TNS3: variants seen among roughly 807,000 people sequenced by gnomAD.
The protein encoded by TNS3 is tensin 3.
A neutral mutation model predicts 140.9 loss-of-function variants in TNS3; 45 were observed. That is an observed-to-expected ratio of 0.32 (90% CI 0.25 to 0.41). The LOEUF is 0.41. TNS3 is among the 10% of genes least tolerant of loss of function. The probability of loss-of-function intolerance (pLI) is 1.00; values close to 1 mark genes in which losing one functional copy is unlikely to be tolerated. For missense variants in TNS3, 1,716 were observed against 1,906.7 expected (o/e 0.90, Z 1.86); for synonymous variants, 815 against 788.4 (o/e 1.03, Z -0.56).
intron 4 of TNS3, among the ~76,000 whole-genome samples, chr7:47,457,698 G>A (rs1379140190): frequency 6.6e-6 from 1 of 152,110 alleles, no homozygotes; most frequent in Non-Finnish European, 1.5e-5. Flanking sequence ...ACACTATGGT[G>A]CCCTCCATCC....
At chr7:47,530,188 A>G (rs1799340917) in intron 1 of TNS3, among the ~76,000 whole-genome samples, 2 of 152,252 alleles carry the variant, frequency 1.3e-5, no homozygotes. Context: ...TCTGAAAAAC[A>G]TAAAAAGATC....
intron 2 of TNS3, among the ~76,000 whole-genome samples, chr7:47,513,396 C>T (rs1483700199): frequency 2.0e-5 from 3 of 152,066 alleles, no homozygotes; most frequent in Non-Finnish European, 2.9e-5. Flanking sequence ...CTTGAACTCC[C>T]GGTTTCGATC....
At chr7:47,293,670 G>A (rs1048511558) in intron 25 of TNS3, 63 bp downstream of exon 25, 9 of 1,446,208 alleles carry the variant, frequency 6.2e-6, no homozygotes, top group East Asian at 2.3e-5. Context: ...TCAGGTTGGT[G>A]AGCAGAGGGA....
At chr7:47,403,378 T>G (rs1167215574) in intron 13 of TNS3, 1 of 152,166 alleles carries the variant, frequency 6.6e-6, no homozygotes, top group African/African-American at 2.4e-5. Context: ...GATTCTCCTG[T>G]AAGATTCCTA....
chr7:47,478,772 A>G (rs565703323), intron 4 of TNS3, among the ~76,000 whole-genome samples: 21 of 152,232 alleles, frequency 1.4e-4, no homozygotes, highest in Non-Finnish European at 2.6e-4. Flanking sequence ...TGTATAACAT[A>G]CATATTCATT....
intron 16 of TNS3, among the ~76,000 whole-genome samples, chr7:47,377,410 T>G (rs1303830506): frequency 1.3e-5 from 2 of 152,118 alleles, no homozygotes; most frequent in Non-Finnish European, 2.9e-5. Flanking sequence ...AGACACTGTG[T>G]CTGGACACAA....
In TNS3 at chr7:47,429,299, C is replaced by G. The variant is rs74874229; in HGVS notation, c.325-923G>C. Among the ~76,000 whole-genome samples the G allele has an allele frequency of 2.9e-3, 441 of 152,324 alleles. 1 individual carries two copies. The highest frequency in any genetic ancestry group is 0.01 in the African/African-American group (417 of 41,566). ...ACCTACATCCAGGGCTGCTTTCACT[C>G]TCACTGCAGGGGTAGGTTTGAGTAT... is the stretch of plus-strand genomic sequence containing the variant. On this transcript the variant is annotated intron_variant, in intron 8 of 30. Transcript: ENST00000311160.
intron 13 of TNS3, among the ~76,000 whole-genome samples, chr7:47,402,734 A>G (rs1002230897): frequency 2.0e-5 from 3 of 152,180 alleles, no homozygotes; most frequent in Admixed American, 6.5e-5. Context: ...TCTGCCTTCA[A>G]ATGTGCCTGT....
At chr7:47,577,163 C>A (rs1363638066) in intron 1 of TNS3, among the ~76,000 whole-genome samples, 2 of 152,174 alleles carry the variant, frequency 1.3e-5, no homozygotes, top group Non-Finnish European at 1.5e-5. Context: ...CACTTGTAAT[C>A]GTCAGCAGGG....
In TNS3 at chr7:47,483,173, T is replaced by A. The variant is rs1485791628; in HGVS notation, c.-114-2032A>T. Among the ~76,000 whole-genome samples the A allele has an allele frequency of 5.3e-4, 11 of 20,698 alleles. No homozygotes were observed. The Admixed American group carries it at 0.018, about 33-fold the overall frequency. 13.6% of individuals were successfully genotyped at this position (20,698 alleles called of 152,430 possible). On this transcript the variant is annotated intron_variant, in intron 3 of 30. Transcript: ENST00000311160. ...GAAGAGGAAGAAGAGTGTGTCCAAT[T>A]TTTTTTTTTTTTTTGAGACGGAGTC...
intron 25 of TNS3, among the ~76,000 whole-genome samples, chr7:47,293,383 G>T (rs1386153364): frequency 6.6e-6 from 1 of 152,204 alleles, no homozygotes; most frequent in African/African-American, 2.4e-5. Flanking sequence ...AGGGTGCTCT[G>T]TTGGGAGCTC....
intron 17 of TNS3, among the ~76,000 whole-genome samples, chr7:47,351,924 A>C (rs1334055863): frequency 1.3e-5 from 2 of 152,088 alleles, no homozygotes; most frequent in Non-Finnish European, 2.9e-5. Flanking sequence ...GCACACAGTC[A>C]AACTCTCATG....
intron 4 of TNS3, among the ~76,000 whole-genome samples, chr7:47,475,727 C>A (rs1479454295): frequency 6.6e-6 from 1 of 152,226 alleles, no homozygotes; most frequent in Non-Finnish European, 1.5e-5. Flanking sequence ...TGGAAAAAAA[C>A]AAGGACACTC....
intron 4 of TNS3, among the ~76,000 whole-genome samples, chr7:47,468,333 C>A (rs557708318): frequency 6.6e-6 from 1 of 152,042 alleles, no homozygotes; most frequent in Non-Finnish European, 1.5e-5. Context: ...CGCAGCTACT[C>A]GGGAGGCTGA....
At chr7:47,504,239 G>T (rs1798331580) in intron 3 of TNS3, among the ~76,000 whole-genome samples, 1 of 152,128 alleles carries the variant, frequency 6.6e-6, no homozygotes, top group Non-Finnish European at 1.5e-5. Context: ...CGATGGCTCT[G>T]CCTCCCTGCC....
rs148319983 is a variant in TNS3 at position 47,412,887 on chromosome 7, A to G, written c.647+1050T>C. Among the ~76,000 whole-genome samples, 1,088 of 152,370 alleles carry G rather than the reference A, an allele frequency of 7.1e-3. 13 individuals are homozygous for G. Among genetic ancestry groups the G allele is most frequent in the African/African-American group, 0.025 (1,043 of 41,592 alleles). ...TTAGGTATTGTTATGTAATCTAGAG[A>G]TGATTTAAAGTATACAGGAGAATGC... On this transcript the variant is annotated intron_variant, in intron 12 of 30. Coordinates refer to ENST00000311160, the MANE Select transcript of TNS3 (RefSeq NM_022748.12).
intron 1 of TNS3, among the ~76,000 whole-genome samples, chr7:47,533,653 A>G (rs891193181): frequency 6.6e-6 from 1 of 152,064 alleles, no homozygotes; most frequent in African/African-American, 2.4e-5. Flanking sequence ...GTCCCCGCCC[A>G]AATCTCATCT....
At chr7:47,400,291 AT>A (rs1793079534) in intron 15 of TNS3, 101 bp downstream of exon 15, 7 of 946,384 alleles carry the variant, frequency 7.4e-6, no homozygotes, top group Non-Finnish European at 1.2e-5. Flanking sequence ...ATCTCCAAAT[AT>A]GCACAAAGGC....
At chr7:47,320,088 T>C (rs1422055360) in intron 20 of TNS3, among the ~76,000 whole-genome samples, 1 of 152,216 alleles carries the variant, frequency 6.6e-6, no homozygotes, top group East Asian at 1.9e-4. Flanking sequence ...TTTATCTTTG[T>C]TCAGAAAACA....
Sources: gnomAD v4.1 joint callset for allele counts (sites outside exome capture counted in the v4.1 genomes callset) on GRCh38, gnomAD v4.1.1 for gene constraint, MANE v1.5 for transcripts, NCBI Gene and HGNC (gene_info 2026-07-23, HGNC 2026-07-21) for gene names.